CNTNAP4: variants seen among roughly 807,000 people sequenced by gnomAD.
CNTNAP4 encodes contactin associated protein family member 4.
Under a neutral mutation model 148.4 loss-of-function variants are expected in CNTNAP4, and 98 were observed. That is an observed-to-expected ratio of 0.66 (90% CI 0.56 to 0.78). CNTNAP4 has a LOEUF of 0.78. CNTNAP4 is among the 30% of genes least tolerant of loss of function. The pLI is 0.00. For synonymous variants in CNTNAP4, 730 were observed against 565.1 expected, an observed-to-expected ratio of 1.29 and a Z score of -4.14; for missense variants, 1,935 against 1,565.6, an observed-to-expected ratio of 1.24 and a Z score of -3.98.
At chr16:76,450,968 A>G (rs2080446228) in intron 7 of CNTNAP4, among the ~76,000 whole-genome samples, 1 of 152,188 alleles carries the variant, frequency 6.6e-6, no homozygotes, top group South Asian at 2.1e-4. Context: ...GGCATGTTGG[A>G]ACTTACAGAC....
At chr16:76,450,789 T>C (rs2080434650) in intron 7 of CNTNAP4, among the ~76,000 whole-genome samples, 1 of 152,104 alleles carries the variant, frequency 6.6e-6, no homozygotes, top group African/African-American at 2.4e-5. Context: ...CTGTCTTGGT[T>C]AGGTTTCAGT....
chr16:76,306,186 A>G (rs750927299), intron 1 of CNTNAP4, among the ~76,000 whole-genome samples: 4 of 152,156 alleles, frequency 2.6e-5, no homozygotes, highest in Non-Finnish European at 5.9e-5. Flanking sequence ...CAGTAATGAG[A>G]TTGCTGGATC....
At chr16:76,363,175 T>C (rs2013653652) in intron 3 of CNTNAP4, among the ~76,000 whole-genome samples, 1 of 151,826 alleles carries the variant, frequency 6.6e-6, no homozygotes, top group South Asian at 2.1e-4. Context: ...TTTTTTTTTT[T>C]TGGGAGTTGG....
intron 2 of CNTNAP4, among the ~76,000 whole-genome samples, chr16:76,340,238 C>T (rs950772467): frequency 1.3e-5 from 2 of 152,060 alleles, no homozygotes; most frequent in Non-Finnish European, 2.9e-5. Context: ...AAGGGAAGGC[C>T]ATGAAGCAGG....
chr16:76,552,824 T>C (rs1163969326), intron 21 of CNTNAP4, among the ~76,000 whole-genome samples: 3 of 152,220 alleles, frequency 2.0e-5, no homozygotes, highest in African/African-American at 7.2e-5. Context: ...GGGCATCTGA[T>C]AACAGAAGTC....
Position 76,503,678 on chromosome 16 carries a change from T to C in CNTNAP4, c.2365+4984T>C, listed in dbSNP as rs574070135. Among the ~76,000 whole-genome samples, 542 of 140,488 alleles carry C rather than the reference T, an allele frequency of 3.9e-3. 2 individuals are homozygous for C. Among genetic ancestry groups the C allele is most frequent in the African/African-American group, 0.013 (486 of 37,654 alleles). 92.2% of individuals were successfully genotyped at this position (140,488 alleles called of 152,430 possible). A position where few individuals can be genotyped will look rare whatever the true frequency, so the allele number is the denominator to read the frequency against. On this transcript the variant is annotated intron_variant, in intron 15 of 23. Transcript: ENST00000611870. ...TATCTCCTAATGCTATCCCTCCCCC[T>C]TCCCCCCACCCCACAACAGGCCCCG... is the stretch of plus-strand genomic sequence containing the variant.
At chr16:76,527,846 A>C (rs2083806969) in intron 17 of CNTNAP4, among the ~76,000 whole-genome samples, 1 of 152,192 alleles carries the variant, frequency 6.6e-6, no homozygotes, top group Non-Finnish European at 1.5e-5. Flanking sequence ...TGTAAACCTC[A>C]AATATACACA....
At chr16:76,432,497 T>C (rs1193554232) in intron 4 of CNTNAP4, 1 of 152,140 alleles carries the variant, frequency 6.6e-6, no homozygotes. Flanking sequence ...AGTGATCCTG[T>C]TTGCAGATCT....
intron 12 of CNTNAP4, among the ~76,000 whole-genome samples, chr16:76,481,720 G>A (rs2081836443): frequency 6.6e-6 from 1 of 152,100 alleles, no homozygotes; most frequent in African/African-American, 2.4e-5. Flanking sequence ...TGAGGCAGAG[G>A]GTGTTGCAAG....
At chr16:76,284,098 C>G (rs2143764737) in intron 1 of CNTNAP4, among the ~76,000 whole-genome samples, 1 of 152,020 alleles carries the variant, frequency 6.6e-6, no homozygotes, top group East Asian at 1.9e-4. Context: ...ATTTTGACCT[C>G]AACTTTAGAA....
chr16:76,363,442 G>A (rs1021422915), intron 3 of CNTNAP4, among the ~76,000 whole-genome samples: 2 of 151,848 alleles, frequency 1.3e-5, no homozygotes, highest in Admixed American at 6.6e-5. Context: ...GATTACAGGC[G>A]TGAGATACTG....
chr16:76,324,491 C>T (rs1962758540), intron 2 of CNTNAP4, among the ~76,000 whole-genome samples: 1 of 152,102 alleles, frequency 6.6e-6, no homozygotes. Context: ...GAAAACAGAG[C>T]ATGGGGGAAG....
intron 2 of CNTNAP4, among the ~76,000 whole-genome samples, chr16:76,343,357 TG>T (rs1964641659): frequency 6.6e-6 from 1 of 152,136 alleles, no homozygotes; most frequent in Non-Finnish European, 1.5e-5. Flanking sequence ...AGAAATAAGA[TG>T]GAGATAAACA....
chr16:76,460,773 A>AAAAAAAAAAAAAAAATATAT, intron 8 of CNTNAP4, among the ~76,000 whole-genome samples: 1 of 57,328 alleles, frequency 1.7e-5, no homozygotes, highest in Non-Finnish European at 3.3e-5. Flanking sequence ...AAAAAAAAAA[A>AAAAAAAAAAAAAAAATATAT]ATATATATAT....
intron 14 of CNTNAP4, among the ~76,000 whole-genome samples, chr16:76,496,951 A>T (rs2082421022): frequency 2.6e-5 from 4 of 152,192 alleles, no homozygotes; most frequent in Admixed American, 2.6e-4. Flanking sequence ...GTGTAAACAA[A>T]GGGTATTTTA....
chr16:76,356,480 G>T (rs1397923865), intron 3 of CNTNAP4, among the ~76,000 whole-genome samples: 1 of 152,156 alleles, frequency 6.6e-6, no homozygotes, highest in Non-Finnish European at 1.5e-5. Flanking sequence ...GATATTTGTA[G>T]TTGATTGATA....
At chr16:76,329,543 G>A (rs1161229004) in intron 2 of CNTNAP4, among the ~76,000 whole-genome samples, 2 of 152,074 alleles carry the variant, frequency 1.3e-5, no homozygotes, top group Admixed American at 6.6e-5. Flanking sequence ...AAAATTGTGT[G>A]ATTTTTATAA....
rs1317601157 is a variant in CNTNAP4 at position 76,553,375 on chromosome 16, C to G, written c.3535C>G (p.Leu1179Val). The G allele has an allele frequency of 5.3e-5, 85 of 1,612,626 alleles. No homozygotes were observed. The highest frequency in any genetic ancestry group is 7.0e-5 in the Non-Finnish European group (82 of 1,179,266). ...AGTGCAGCTCAGCCACGTGGCCCCT[C>G]TGAAGGCAGCTCTGCACCCCAGCCA... ...SAVQLSHVAP[L>V]KAALHPSHPD... The change falls in exon 22 of 24, where the codon CTG becomes GTG. Residue 1179 changes from leucine to valine, a missense_variant. By Grantham distance (32) the Leu-to-Val change is conservative. Transcript: ENST00000611870.
Position 76,299,897 on chromosome 16 carries a change from A to G in CNTNAP4, c.86-16516A>G, listed in dbSNP as rs184592556. 5.3e-5 allele frequency among the ~76,000 whole-genome samples: 8 copies of G among 152,280 alleles called. No individual in the cohort carries two copies. The East Asian group carries it at 1.4e-3, about 26-fold the overall frequency. On this transcript the variant is annotated intron_variant, in intron 1 of 23. Transcript: ENST00000611870. The stretch of plus-strand genomic sequence containing the variant: ...ATTATCAGCAAACTATCACAAGGAC[A>G]AAAAACCAAACACCTCATGTTCTCA...
Sources: gnomAD v4.1 joint callset for allele counts (sites outside exome capture counted in the v4.1 genomes callset) on GRCh38, gnomAD v4.1.1 for gene constraint, MANE v1.5 for transcripts, NCBI Gene and HGNC (gene_info 2026-07-23, HGNC 2026-07-21) for gene names.